Variants in GALNT17 observed in about 807,000 individuals in gnomAD.
GALNT17 encodes the protein polypeptide N-acetylgalactosaminyltransferase 17, also known as UDP-GalNAc:polypeptide N-acetylgalactosaminyltransferase-like 3.
In GALNT17, 29 loss-of-function variants were observed where a neutral mutation model predicts 63.7. That is an observed-to-expected ratio of 0.46 (90% CI 0.34 to 0.62). The LOEUF (loss-of-function observed/expected upper bound fraction) is 0.62, where lower values mean the gene tolerates loss of function less well. GALNT17 is among the 20% of genes least tolerant of loss of function. The pLI is 0.01. For synonymous variants in GALNT17, 305 were observed against 318.3 expected (o/e 0.96, Z 0.45); for missense variants, 603 against 799.6 (o/e 0.75, Z 2.97).
intron 1 of GALNT17, among the ~76,000 whole-genome samples, chr7:71,213,898 C>T (rs1018768919): frequency 6.6e-6 from 1 of 152,198 alleles, no homozygotes; most frequent in Non-Finnish European, 1.5e-5. Context: ...CATAGTATTA[C>T]TGAACCAAAT....
In GALNT17 at chr7:71,178,582, C is replaced by CTTTTT. The variant is rs534368264; in HGVS notation, c.238+45545_238+45549dup. On this transcript the variant is annotated intron_variant, in intron 1 of 10. Coordinates refer to ENST00000333538, the MANE Select transcript of GALNT17 (RefSeq NM_022479.3). Reference sequence around the variant, plus strand: ...GGAGGCTCTGTTCTATTTTTTAAGTCTTTTTTTCTTCACTGCTTTTCAGAT... The same window carrying CTTTTT: ...GGAGGCTCTGTTCTATTTTTTAAGTCTTTTTTTTTTTTCTTCACTGCTTTTCAGAT... Among the ~76,000 whole-genome samples, 176 of 152,094 alleles carry CTTTTT rather than the reference C, an allele frequency of 1.2e-3. 1 individual carries two copies. The highest frequency in any genetic ancestry group is 4.1e-3 in the African/African-American group (170 of 41,502).
chr7:71,615,541 A>G (rs913030673), intron 6 of GALNT17, among the ~76,000 whole-genome samples: 7 of 135,572 alleles, frequency 5.2e-5, no homozygotes, highest in Non-Finnish European at 1.1e-4. Context: ...TAGTGGCACA[A>G]TCTTAGCTCA....
chr7:71,288,623 TGCTCAGGG>T (rs1260482943), intron 1 of GALNT17, among the ~76,000 whole-genome samples: 1 of 152,206 alleles, frequency 6.6e-6, no homozygotes, highest in African/African-American at 2.4e-5. Flanking sequence ...TCTTGCAGCA[TGCTCAGGG>T]GCCCAATGTC....
At chr7:71,407,372 A>G (rs1793347362) in intron 3 of GALNT17, among the ~76,000 whole-genome samples, 1 of 152,196 alleles carries the variant, frequency 6.6e-6, no homozygotes, top group African/African-American at 2.4e-5. Flanking sequence ...CCTGCAGTCC[A>G]TCAATTACCA....
rs574434463 is a variant in GALNT17, at chr7:71,384,553, G to A, written c.423-3682G>A. ...GTTTGAGGGTAGTATGTGGTGGAGA[G>A]GCCTGAGTGCCCAGAGAACACGGAC... On this transcript the variant is annotated intron_variant, in intron 2 of 10. Coordinates refer to ENST00000333538, the MANE Select transcript of GALNT17 (RefSeq NM_022479.3). Among the ~76,000 whole-genome samples the A allele has an allele frequency of 2.2e-3, 335 of 152,310 alleles. 1 individual carries two copies. Among genetic ancestry groups the A allele is most frequent in the Non-Finnish European group, 4.1e-3 (280 of 68,040 alleles).
chr7:71,508,109 C>A (rs568999367), intron 5 of GALNT17, among the ~76,000 whole-genome samples: 1 of 152,286 alleles, frequency 6.6e-6, no homozygotes, highest in Non-Finnish European at 1.5e-5. Flanking sequence ...TGAGGGGCTT[C>A]CTGCAGGCCT....
At chr7:71,357,819 C>A (rs1792316099) in intron 2 of GALNT17, among the ~76,000 whole-genome samples, 1 of 152,102 alleles carries the variant, frequency 6.6e-6, no homozygotes, top group Non-Finnish European at 1.5e-5. Context: ...AATCAGCGCC[C>A]TGTAGCTAGC....
At chr7:71,232,449 G>T (rs1922517) in intron 1 of GALNT17, among the ~76,000 whole-genome samples, 4 of 152,114 alleles carry the variant, frequency 2.6e-5, no homozygotes, top group Non-Finnish European at 4.4e-5. Context: ...TGGGGAGTAG[G>T]GGGGAGTCAC....
chr7:71,323,620 G>T (rs1791654609), intron 1 of GALNT17, among the ~76,000 whole-genome samples: 1 of 152,166 alleles, frequency 6.6e-6, no homozygotes, highest in African/African-American at 2.4e-5. Context: ...TCATCGTACT[G>T]ATATATGAAC....
intron 1 of GALNT17, among the ~76,000 whole-genome samples, chr7:71,219,507 T>C (rs535835967): frequency 6.6e-6 from 1 of 152,342 alleles, no homozygotes; most frequent in African/African-American, 2.4e-5. Context: ...TTTTGGTCTT[T>C]TAATTTAATT....
At chr7:71,338,625 G>A (rs1288209023) in intron 2 of GALNT17, among the ~76,000 whole-genome samples, 2 of 152,214 alleles carry the variant, frequency 1.3e-5, no homozygotes, top group South Asian at 2.1e-4. Context: ...GACAAAAGAG[G>A]ATGGACATAG....
chr7:71,301,366 C>T (rs1791193555), intron 1 of GALNT17, among the ~76,000 whole-genome samples: 1 of 144,108 alleles, frequency 6.9e-6, no homozygotes, highest in African/African-American at 2.5e-5. Context: ...TTAATATATA[C>T]TAATAATTAT....
chr7:71,414,983 CTT>C (rs372001251), intron 3 of GALNT17, among the ~76,000 whole-genome samples: 3 of 117,424 alleles, frequency 2.6e-5, no homozygotes, highest in African/African-American at 1.0e-4. Context: ...CAAAGTATCA[CTT>C]TTTTTTTTTA....
chr7:71,549,327 G>A (rs963511180), intron 5 of GALNT17, among the ~76,000 whole-genome samples: 7 of 152,254 alleles, frequency 4.6e-5, no homozygotes, highest in Middle Eastern at 6.8e-3. Context: ...AGCACTTTGG[G>A]AGGCCTAAGG....
intron 1 of GALNT17, among the ~76,000 whole-genome samples, chr7:71,313,274 C>T (rs1791442605): frequency 6.6e-6 from 1 of 152,136 alleles, no homozygotes; most frequent in Admixed American, 6.5e-5. Flanking sequence ...TTATTCTCAG[C>T]AGTCTTTATT....
At chr7:71,150,600 T>A (rs2116212734) in intron 1 of GALNT17, among the ~76,000 whole-genome samples, 1 of 149,124 alleles carries the variant, frequency 6.7e-6, no homozygotes, top group African/African-American at 2.5e-5. Context: ...AAGCTCCGCC[T>A]CCCAGGTGCA....
intron 8 of GALNT17, among the ~76,000 whole-genome samples, chr7:71,673,634 C>T (rs1791103985): frequency 6.6e-6 from 1 of 152,062 alleles, no homozygotes; most frequent in South Asian, 2.1e-4. Flanking sequence ...AAATAATAAA[C>T]ATGATGACCA....
At chr7:71,268,783 G>T (rs951314268) in intron 1 of GALNT17, among the ~76,000 whole-genome samples, 2 of 152,070 alleles carry the variant, frequency 1.3e-5, no homozygotes, top group South Asian at 2.1e-4. Flanking sequence ...AGGAGCCTCG[G>T]TGAAGGTTGG....
chr7:71,562,356 G>A (rs887120335), intron 5 of GALNT17, among the ~76,000 whole-genome samples: 3 of 152,084 alleles, frequency 2.0e-5, no homozygotes, highest in Admixed American at 2.0e-4. Context: ...GTACAACACA[G>A]GGACACAAGC....
Sources: allele counts gnomAD v4.1 joint callset (sites outside exome capture counted in the v4.1 genomes callset), GRCh38; gene constraint gnomAD v4.1.1; transcripts MANE v1.5; gene names NCBI Gene and HGNC (gene_info 2026-07-23, HGNC 2026-07-21).